LRMDA: variants seen among roughly 807,000 people sequenced by gnomAD.
The protein encoded by LRMDA is leucine-rich melanocyte differentiation-associated protein.
Under a neutral mutation model 29.8 loss-of-function variants are expected in LRMDA, and 18 were observed. That is an observed-to-expected ratio of 0.60 (90% CI 0.42 to 0.90). The LOEUF (loss-of-function observed/expected upper bound fraction) is 0.90. Among genes scored for constraint, LRMDA ranks in the 40% least tolerant of loss-of-function variants. The probability of loss-of-function intolerance (pLI) is 0.00; values close to 1 mark genes in which losing one functional copy is unlikely to be tolerated. For synonymous variants in LRMDA, 125 were observed against 109.4 expected, an observed-to-expected ratio of 1.14 and a Z score of -0.89; for missense variants, 273 against 273.9, an observed-to-expected ratio of 1.00 and a Z score of 0.02.
intron 6 of LRMDA, among the ~76,000 whole-genome samples, chr10:76,389,764 G>T (rs1016099487): frequency 2.0e-5 from 3 of 152,100 alleles, no homozygotes; most frequent in Non-Finnish European, 1.5e-5. Flanking sequence ...TTAGCATAAT[G>T]TCCTCAAAAT....
rs568101535 is a variant in LRMDA at position 76,545,668 on chromosome 10, A to G, written c.602-11541A>G. Among the ~76,000 whole-genome samples the G allele has an allele frequency of 3.7e-3, 543 of 147,290 alleles. 7 individuals are homozygous for G. Among genetic ancestry groups the G allele is most frequent in the African/African-American group, 0.013 (516 of 40,092 alleles). On this transcript the variant is annotated intron_variant, in intron 6 of 6. Coordinates refer to ENST00000611255, the MANE Select transcript of LRMDA (RefSeq NM_001305581.2). ...TATTATTATTATTATTATTATTATT[A>G]TTATTGTTATTATTTAGGTATCATT...
intron 2 of LRMDA, among the ~76,000 whole-genome samples, chr10:75,523,873 C>G (rs1314248923): frequency 6.6e-6 from 1 of 152,108 alleles, no homozygotes; most frequent in Non-Finnish European, 1.5e-5. Context: ...ATGTCAGCCT[C>G]CACCCCAGTT....
intron 6 of LRMDA, among the ~76,000 whole-genome samples, chr10:76,526,069 G>C (rs1843171206): frequency 2.1e-5 from 1 of 47,338 alleles, no homozygotes; most frequent in Non-Finnish European, 3.9e-5. Context: ...AGCAATCTTT[G>C]ACTGTACAAA....
chr10:75,477,080 T>C (rs1235770294), intron 2 of LRMDA, among the ~76,000 whole-genome samples: 3 of 151,920 alleles, frequency 2.0e-5, no homozygotes, highest in African/African-American at 7.3e-5. Context: ...TGCCTTGAAC[T>C]CTTGGGCCCC....
chr10:76,317,862 CTG>C (rs950772021), intron 5 of LRMDA, among the ~76,000 whole-genome samples: 3 of 152,198 alleles, frequency 2.0e-5, no homozygotes, highest in African/African-American at 7.2e-5. Flanking sequence ...ATGTGAGCTA[CTG>C]TGCCTGGCCC....
At chr10:76,478,771 G>A (rs1438797659) in intron 6 of LRMDA, among the ~76,000 whole-genome samples, 7 of 151,952 alleles carry the variant, frequency 4.6e-5, no homozygotes, top group South Asian at 4.2e-4. Flanking sequence ...GCTGGAAACC[G>A]TCATTCTCAG....
At chr10:76,116,025 C>T (rs752338317) in intron 5 of LRMDA, among the ~76,000 whole-genome samples, 15 of 152,088 alleles carry the variant, frequency 9.9e-5, no homozygotes, top group Non-Finnish European at 1.6e-4. Flanking sequence ...TGTGACACGG[C>T]GCGTTATCAC....
chr10:76,439,926 G>T (rs763543115), intron 6 of LRMDA, among the ~76,000 whole-genome samples: 1 of 152,164 alleles, frequency 6.6e-6, no homozygotes, highest in Non-Finnish European at 1.5e-5. Flanking sequence ...GAACTGTAGG[G>T]TATAGAACGA....
intron 2 of LRMDA, among the ~76,000 whole-genome samples, chr10:75,775,869 C>T (rs1015027660): frequency 1.3e-5 from 2 of 152,220 alleles, no homozygotes; most frequent in Non-Finnish European, 2.9e-5. Context: ...ATGACAAGTG[C>T]AGGCCTTGGG....
At chr10:75,963,980 C>T (rs764500147) in intron 2 of LRMDA, among the ~76,000 whole-genome samples, 1 of 152,078 alleles carries the variant, frequency 6.6e-6, no homozygotes, top group Non-Finnish European at 1.5e-5. Flanking sequence ...TGATGCAGAC[C>T]TGGTAATGAT....
At chr10:75,767,582 T>C (rs1003742314) in intron 2 of LRMDA, among the ~76,000 whole-genome samples, 1 of 152,212 alleles carries the variant, frequency 6.6e-6, no homozygotes, top group East Asian at 1.9e-4. Flanking sequence ...AGACTGTCAT[T>C]CATTCATCTG....
chr10:75,605,828 TC>T (rs1267817252), intron 2 of LRMDA, among the ~76,000 whole-genome samples: 9 of 152,148 alleles, frequency 5.9e-5, no homozygotes, highest in Non-Finnish European at 1.2e-4. Flanking sequence ...CTGAGTACTC[TC>T]TTGCCGTCTC....
chr10:76,467,920 CT>C (rs761794862), intron 6 of LRMDA, among the ~76,000 whole-genome samples: 9 of 152,276 alleles, frequency 5.9e-5, no homozygotes, highest in Admixed American at 2.6e-4. Context: ...TGGGTATATA[CT>C]TGCTTTTGTA....
chr10:76,237,773 G>C (rs567685107), intron 5 of LRMDA, among the ~76,000 whole-genome samples: 1 of 146,968 alleles, frequency 6.8e-6, no homozygotes, highest in African/African-American at 2.5e-5. Context: ...TCTATTTAAA[G>C]GGACAAGAGT....
At chr10:75,883,034 C>G (rs1845320334) in intron 2 of LRMDA, among the ~76,000 whole-genome samples, 1 of 152,220 alleles carries the variant, frequency 6.6e-6, no homozygotes, top group Non-Finnish European at 1.5e-5. Context: ...TCCCTGACAA[C>G]CCATGGACCG....
intron 6 of LRMDA, among the ~76,000 whole-genome samples, chr10:76,380,097 TA>T (rs1183401081): frequency 6.6e-6 from 1 of 152,200 alleles, no homozygotes; most frequent in Non-Finnish European, 1.5e-5. Context: ...TTTGAGTTTT[TA>T]AAACTTATTG....
intron 2 of LRMDA, among the ~76,000 whole-genome samples, chr10:75,985,604 C>T (rs1477986811): frequency 6.6e-5 from 10 of 152,244 alleles, no homozygotes; most frequent in Admixed American, 6.5e-4. Context: ...CTGGGTCTTC[C>T]AGTCCCTGAT....
chr10:75,498,461 C>T (rs1845074463), intron 2 of LRMDA, among the ~76,000 whole-genome samples: 1 of 152,088 alleles, frequency 6.6e-6, no homozygotes, highest in Non-Finnish European at 1.5e-5. Context: ...TGTGTGTGCA[C>T]GAGTGTTTGC....
intron 2 of LRMDA, among the ~76,000 whole-genome samples, chr10:75,635,026 T>C (rs1841373938): frequency 6.6e-6 from 1 of 152,136 alleles, no homozygotes; most frequent in African/African-American, 2.4e-5. Context: ...CTCTTAAGGG[T>C]CCATGAAATT....
Sources: allele counts gnomAD v4.1 joint callset (sites outside exome capture counted in the v4.1 genomes callset), GRCh38; gene constraint gnomAD v4.1.1; transcripts MANE v1.5; gene names NCBI Gene and HGNC (gene_info 2026-07-23, HGNC 2026-07-21).